CDC123: variants seen among roughly 807,000 people sequenced by gnomAD.
The protein encoded by CDC123 is translation initiation factor eIF2 assembly protein.
CDC123 carries 37 observed loss-of-function variants against 54.4 expected under a neutral mutation model. That is an observed-to-expected ratio of 0.68 (90% CI 0.52 to 0.89). The LOEUF (loss-of-function observed/expected upper bound fraction) is 0.89. Among genes scored for constraint, CDC123 ranks in the 40% least tolerant of loss-of-function variants. CDC123 has a pLI of 0.00. For missense variants in CDC123, 361 were observed against 412.1 expected (o/e 0.88, Z 1.07); for synonymous variants, 144 against 136.8 (o/e 1.05, Z -0.37).
rs750537802 is a variant in CDC123 at position 12,237,140 on chromosome 10, T to A, written c.566-4T>A. On this transcript the variant is annotated splice_region_variant and splice_polypyrimidine_tract_variant and intron_variant, in intron 8 of 12. Transcript: ENST00000281141. ...TAACAGGATGTAAAATATTTTCTTG[T>A]CAGGTATTTCTCAAAGAGACTACAC... The A allele has an allele frequency of 1.4e-5, 21 of 1,524,782 alleles. No homozygotes were observed. In the Admixed American group the frequency reaches 4.9e-4, roughly 36 times the overall value. 94.5% of individuals were successfully genotyped at this position (1,524,782 alleles called of 1,614,324 possible).
At position 12,206,733 on chromosome 10, in the gene CDC123, C is replaced by T. The variant is rs184443584; in HGVS notation, c.147-3234C>T. Among the ~76,000 whole-genome samples the T allele has an allele frequency of 5.0e-3, 754 of 152,072 alleles. 6 individuals are homozygous for T. Among genetic ancestry groups the T allele is most frequent in the African/African-American group, 0.016 (680 of 41,482 alleles). On this transcript the variant is annotated intron_variant, in intron 2 of 12. Transcript: ENST00000281141. ...CAGTGCTTTAGGAGGCCAAGGAGGG[C>T]GGATCACAAGGTCAGGAGATCGAGA...
At chr10:12,200,120 A>ATTTTTTTTT (rs543337462) in intron 2 of CDC123, among the ~76,000 whole-genome samples, 4,473 of 59,254 alleles carry the variant, frequency 0.075, 704 homozygotes, top group Non-Finnish European at 0.092. Flanking sequence ...CGCACTCGGC[A>ATTTTTTTTT]TTTTTTTTTT....
intron 6 of CDC123, among the ~76,000 whole-genome samples, chr10:12,225,804 CAG>C (rs1394853122): frequency 1.0e-5 from 1 of 99,524 alleles, no homozygotes; most frequent in Non-Finnish European, 1.8e-5. Flanking sequence ...GGGTGTTTCT[CAG>C]AGAGGGGGAT....
intron 5 of CDC123, 38 bp from the exon 6 acceptor site, chr10:12,217,323 T>G: frequency 6.3e-7 from 1 of 1,583,910 alleles, no homozygotes; most frequent in Non-Finnish European, 8.6e-7. Context: ...GCAGCCAACA[T>G]GGAATATGGA....
chr10:12,206,516 T>C (rs901550361), intron 2 of CDC123, among the ~76,000 whole-genome samples: 1 of 152,158 alleles, frequency 6.6e-6, no homozygotes, highest in African/African-American at 2.4e-5. Context: ...AAGAGTTGAT[T>C]AAAACTTGGG....
At chr10:12,242,976 C>T (rs1465383634) in intron 10 of CDC123, among the ~76,000 whole-genome samples, 2 of 151,868 alleles carry the variant, frequency 1.3e-5, no homozygotes, top group African/African-American at 4.8e-5. Flanking sequence ...GATCCTGATC[C>T]TCCTAGTTTA....
chr10:12,221,711 GTATT>G (rs918052700), intron 6 of CDC123, among the ~76,000 whole-genome samples: 64 of 148,040 alleles, frequency 4.3e-4, no homozygotes, highest in Non-Finnish European at 3.7e-4. Flanking sequence ...TTTTTAATTT[GTATT>G]TATTTATTTA....
chr10:12,237,070 A>T (rs936053138), intron 8 of CDC123, 74 bp from the exon 9 acceptor site: 2 of 1,415,372 alleles, frequency 1.4e-6, no homozygotes, highest in African/African-American at 3.0e-5. Context: ...TTTCCACAAA[A>T]TGTTTAAATC....
intron 2 of CDC123, among the ~76,000 whole-genome samples, chr10:12,202,869 G>A (rs1465244203): frequency 6.6e-6 from 1 of 152,130 alleles, no homozygotes; most frequent in Non-Finnish European, 1.5e-5. Flanking sequence ...ACAGAACTTA[G>A]CCAGACGTGG....
chr10:12,233,313 A>ACACACACT, intron 7 of CDC123, among the ~76,000 whole-genome samples: 1 of 141,962 alleles, frequency 7.0e-6, no homozygotes, highest in South Asian at 2.1e-4. Context: ...ACACACACAC[A>ACACACACT]CACTCTCTGT....
chr10:12,197,829 G>A (rs1398511941), intron 1 of CDC123, among the ~76,000 whole-genome samples: 1 of 151,816 alleles, frequency 6.6e-6, no homozygotes, highest in East Asian at 1.9e-4. Context: ...TTTTAAAACC[G>A]AAGTAGCCCA....
intron 11 of CDC123, among the ~76,000 whole-genome samples, chr10:12,248,845 C>T (rs559957671): frequency 2.0e-5 from 3 of 151,594 alleles, no homozygotes; most frequent in South Asian, 2.1e-4. Flanking sequence ...CATGGTGGTT[C>T]ATGCCTGTAA....
At chr10:12,213,206 G>C (rs970555443) in intron 4 of CDC123, among the ~76,000 whole-genome samples, 1 of 152,142 alleles carries the variant, frequency 6.6e-6, no homozygotes, top group Non-Finnish European at 1.5e-5. Flanking sequence ...TACTGTTTGC[G>C]CAAAGAAAAA....
intron 2 of CDC123, among the ~76,000 whole-genome samples, chr10:12,204,599 T>C (rs1025946832): frequency 6.6e-6 from 1 of 152,232 alleles, no homozygotes. Context: ...GTCCATCCCC[T>C]CAAGCATTTA....
intron 1 of CDC123, among the ~76,000 whole-genome samples, chr10:12,198,022 G>A (rs1439597429): frequency 4.6e-5 from 7 of 152,078 alleles, no homozygotes; most frequent in Admixed American, 2.6e-4. Context: ...GCACTCTTAG[G>A]GATCTGTGGT....
intron 12 of CDC123, 112 bp from the exon 13 acceptor site, chr10:12,250,199 A>G: frequency 3.2e-6 from 2 of 621,970 alleles, no homozygotes; most frequent in South Asian, 2.6e-5. Flanking sequence ...ATGGTTTTCC[A>G]TGACAATTTT....
rs137991024 is a variant in CDC123, at chr10:12,242,756, A to T, written c.718-3393A>T. Among the ~76,000 whole-genome samples, 803 of 152,172 alleles carry T rather than the reference A, an allele frequency of 5.3e-3. 3 individuals are homozygous for T. Among genetic ancestry groups the T allele is most frequent in the African/African-American group, 0.019 (769 of 41,522 alleles). ...CAGGAGCTCAAGACCAGCCTGGCCAACATGGTGAAACCCCGTCTCTACTAA... is the reference window on the plus strand; with the variant it reads ...CAGGAGCTCAAGACCAGCCTGGCCATCATGGTGAAACCCCGTCTCTACTAA... On this transcript the variant is annotated intron_variant, in intron 10 of 12. Transcript: ENST00000281141.
chr10:12,215,741 C>T lies in CDC123; in HGVS notation c.239C>T (p.Ala80Val), dbSNP rs149270225. The change falls in exon 5 of 13, where the codon GCA (alanine) becomes GTA (valine). Residue 80 changes from alanine (A) to valine (V), a missense_variant and splice_region_variant. Ala to Val is a moderately conservative substitution (Grantham distance 64). Transcript: ENST00000281141. ...CAATGATTTCTTCTCTCTCTGTAGG[C>T]ACCAGAATTTCCTGAGTTTGCCACT... The part of the protein sequence containing the change: ...SDDENTATLT[A>V]PEFPEFATKV... The T allele has an allele frequency of 1.2e-6, 2 of 1,601,608 alleles. No individual in the cohort carries two copies. Among genetic ancestry groups the T allele is most frequent in the Non-Finnish European group, 1.7e-6 (2 of 1,171,602 alleles).
At chr10:12,235,005 C>G (rs758716023) in intron 7 of CDC123, 43 bp from the exon 8 acceptor site, 19 of 1,463,536 alleles carry the variant, frequency 1.3e-5, no homozygotes, top group Non-Finnish European at 1.8e-5. Flanking sequence ...TAGACCTTAC[C>G]ACATAGGTGT....
Sources: allele counts gnomAD v4.1 joint callset (sites outside exome capture counted in the v4.1 genomes callset), GRCh38; gene constraint gnomAD v4.1.1; transcripts MANE v1.5; gene names NCBI Gene and HGNC (gene_info 2026-07-23, HGNC 2026-07-21).